SEC13: variants seen among roughly 807,000 people sequenced by gnomAD.
SEC13 encodes the protein SEC13 homolog, nuclear pore and COPII component.
In SEC13, 25 loss-of-function variants were observed where a neutral mutation model predicts 49.2. That is an observed-to-expected ratio of 0.51 (90% CI 0.37 to 0.71). The LOEUF (loss-of-function observed/expected upper bound fraction) is 0.71, where lower values mean the gene tolerates loss of function less well. Ranked by LOEUF, SEC13 falls within the 30% of genes least tolerant of loss-of-function variation. The pLI, the probability that SEC13 is intolerant of heterozygous loss-of-function variation, is 0.00. For synonymous variants in SEC13, 148 were observed against 163.9 expected, an observed-to-expected ratio of 0.90 and a Z score of 0.74; for missense variants, 383 against 417.6, an observed-to-expected ratio of 0.92 and a Z score of 0.72.
intron 6 of SEC13, 31 bp downstream of exon 6, chr3:10,305,528 C>T (rs1700817229): frequency 6.2e-7 from 1 of 1,610,740 alleles, no homozygotes; most frequent in African/African-American, 1.3e-5. Context: ...GAAGTGTCCC[C>T]TCAAAGAGAA....
At position 10,305,480 on chromosome 3, in the gene SEC13, T is replaced by G. The variant is rs1700813742; in HGVS notation, c.584+79A>C. ...GAAAGAAAGGTGACCTTGTTTCTTG[T>G]GAGTGTGGCTGAGTCATGGTGAGTA... On this transcript the variant is annotated intron_variant, in intron 6 of 8. Coordinates refer to ENST00000350697, the MANE Select transcript of SEC13 (RefSeq NM_183352.3). 8 of 1,522,208 alleles carry G rather than the reference T, an allele frequency of 5.3e-6. 1 individual carries two copies. 94.3% of individuals were successfully genotyped at this position (1,522,208 alleles called of 1,614,324 possible).
At chr3:10,318,833 A>C (rs1241467111) in intron 1 of SEC13, among the ~76,000 whole-genome samples, 2 of 152,210 alleles carry the variant, frequency 1.3e-5, no homozygotes, top group Non-Finnish European at 2.9e-5. Flanking sequence ...TCAGACCCTC[A>C]AATGGCTGGA....
At chr3:10,306,488 T>G (rs193046175) in intron 5 of SEC13, among the ~76,000 whole-genome samples, 173 of 152,340 alleles carry the variant, frequency 1.1e-3, no homozygotes, top group African/African-American at 4.0e-3. Context: ...CACTGGGGCT[T>G]GTAAAATGGT....
chr3:10,308,791 A>ATT (rs34572074), intron 5 of SEC13, among the ~76,000 whole-genome samples: 46 of 115,592 alleles, frequency 4.0e-4, no homozygotes, highest in African/African-American at 1.1e-3. Flanking sequence ...GCTGAGTTGA[A>ATT]TTTTTTTTTT....
rs1287863469 is a variant in SEC13, at chr3:10,321,101, G to GCGCCTCGGAACAGCTCACTTCCGGCGC, written c.-50_-49insGCGCCGGAAGTGAGCTGTTCCGAGGCG. On this transcript the variant is annotated 5_prime_UTR_variant, in exon 1 of 9. Transcript: ENST00000350697. This position sits in a 1 kb window ranked among gnomAD's most constrained non-coding sequence, Gnocchi z 4.1. ...GTCTCGGACGTGGCAGCTCCCGGCG[G>GCGCCTCGGAACAGCTCACTTCCGGCGC]CGCCTCGGAACAGCTCACTTCCGGC... 1.2e-5 allele frequency: 20 copies of GCGCCTCGGAACAGCTCACTTCCGGCGC among 1,612,248 alleles called. No homozygotes were observed. In the African/African-American group the frequency reaches 1.9e-4, roughly 15 times the overall value.
chr3:10,319,460 C>G, intron 1 of SEC13: 1 of 534,546 alleles, frequency 1.9e-6, no homozygotes, highest in East Asian at 3.4e-5. Context: ...AATGAAGAAG[C>G]CCAGAGAAGA....
At position 10,304,044 on chromosome 3, in the gene SEC13, G is replaced by A; in HGVS notation, c.837C>T (p.Val279=). The change falls in exon 8 of 9, where the codon GTC becomes GTT. Residue 279 remains valine, a synonymous_variant. Transcript: ENST00000350697. ...SWSITANILA[V]SGGDNKVTLW... is the part of the protein sequence containing the mutation. ...TATGTACCTTATTGTCTCCACCAGA[G>A]ACAGCCAGGATGTTGGCTGTGATGG... The A allele has an allele frequency of 6.2e-7, 1 of 1,614,166 alleles. No homozygotes were observed. Among genetic ancestry groups the A allele is most frequent in the Non-Finnish European group, 8.5e-7 (1 of 1,180,030 alleles).
At position 10,311,525 on chromosome 3, in the gene SEC13, C is replaced by T. The variant is rs1369730389; in HGVS notation, c.450+440G>A. 28 of 437,314 alleles carry T rather than the reference C, an allele frequency of 6.4e-5. 1 individual carries two copies. The highest frequency in any genetic ancestry group is 1.5e-4 in the East Asian group (1 of 6,652). 27.1% of individuals were successfully genotyped at this position (437,314 alleles called of 1,614,324 possible). On this transcript the variant is annotated intron_variant, in intron 5 of 8. Transcript: ENST00000350697. ...TTCCTTGATTGAACCACCAACATCA[C>T]GACCACTGTCACTCGCTGATTCACC...
intron 1 of SEC13, chr3:10,320,645 C>T: frequency 9.8e-7 from 1 of 1,021,842 alleles, no homozygotes; most frequent in East Asian, 8.6e-5. Flanking sequence ...TCCACGTCTC[C>T]GAACCTCAAG....
At chr3:10,303,266 GCGCAGAGCAGATGTGCCTGAAAA>G (rs761605074) in intron 8 of SEC13, among the ~76,000 whole-genome samples, 44 of 152,238 alleles carry the variant, frequency 2.9e-4, no homozygotes, top group Non-Finnish European at 5.3e-4. Flanking sequence ...CGCACTTCAG[GCGCAGAGCAGATGTGCCTGAAAA>G]CGCAGCACAG....
At chr3:10,312,821 C>T in intron 3 of SEC13, 91 bp from the exon 4 acceptor site, 2 of 1,316,396 alleles carry the variant, frequency 1.5e-6, no homozygotes, top group Non-Finnish European at 2.1e-6. Context: ...GACGATATAT[C>T]AGGGCAGAAT....
chr3:10,314,070 C>G (rs529859754), intron 3 of SEC13: 2 of 152,366 alleles, frequency 1.3e-5, no homozygotes, highest in African/African-American at 4.8e-5. Context: ...GTACAAAACA[C>G]ACAGAACTAG....
At chr3:10,304,954 C>T in intron 7 of SEC13, 79 bp downstream of exon 7, 14 of 1,604,248 alleles carry the variant, frequency 8.7e-6, no homozygotes, top group Non-Finnish European at 1.1e-5. Flanking sequence ...TCCCAGAGGA[C>T]TTTCTGCTAA....
rs1701371445 is a variant in SEC13, at chr3:10,312,895, T to C, written c.165-165A>G. The stretch of plus-strand genomic sequence containing the variant: ...TGCAAAAGGGGTGCTCAGTGGACAG[T>C]GAGGAGCCTGAGGTCCTAAGAGGTT... On this transcript the variant is annotated intron_variant, in intron 3 of 8. Coordinates refer to ENST00000350697, the MANE Select transcript of SEC13 (RefSeq NM_183352.3). 15 of 623,490 alleles carry C rather than the reference T, an allele frequency of 2.4e-5. 1 individual carries two copies. The highest frequency in any genetic ancestry group is 2.8e-4 in the Middle Eastern group (1 of 3,544). 38.6% of individuals were successfully genotyped at this position (623,490 alleles called of 1,614,324 possible). A position where few individuals can be genotyped will look rare whatever the true frequency, so the allele number is the denominator to read the frequency against.
At chr3:10,315,573 A>C (rs1377796494) in intron 2 of SEC13, 137 bp from the exon 3 acceptor site, 4 of 624,612 alleles carry the variant, frequency 6.4e-6, no homozygotes, top group Non-Finnish European at 8.7e-6. Flanking sequence ...CATCACCCTC[A>C]GGCAGGAAGC....
At chr3:10,310,794 T>C (rs184456885) in intron 5 of SEC13, among the ~76,000 whole-genome samples, 1 of 152,328 alleles carries the variant, frequency 6.6e-6, no homozygotes, top group African/African-American at 2.4e-5. Flanking sequence ...ATAGCAGCAT[T>C]ATTCATAAGG....
Position 10,310,886 on chromosome 3 carries a change from T to G in SEC13, c.450+1079A>C, listed in dbSNP as rs189837520. On this transcript the variant is annotated intron_variant, in intron 5 of 8. Transcript: ENST00000350697. ...AGTATTATCCAGCCATAAAAAGGAA[T>G]GGAGTGCTGATACACGCTATGATAT... 1.4e-4 allele frequency among the ~76,000 whole-genome samples: 21 copies of G among 152,322 alleles called. No homozygotes were observed. In the East Asian group the frequency reaches 3.9e-3, roughly 28 times the overall value.
At chr3:10,319,657 G>A (rs1463646277) in intron 1 of SEC13, among the ~76,000 whole-genome samples, 1 of 151,718 alleles carries the variant, frequency 6.6e-6, no homozygotes, top group Non-Finnish European at 1.5e-5. Context: ...AAAGTTTACT[G>A]AGAGGTAGTT....
rs1232111130 is a variant in SEC13 at position 10,301,088 on chromosome 3, A to G, written c.*173T>C. The G allele has an allele frequency of 6.2e-7, 1 of 1,612,508 alleles. No individual in the cohort carries two copies. The highest frequency in any genetic ancestry group is 8.5e-7 in the Non-Finnish European group (1 of 1,179,796). On this transcript the variant is annotated 3_prime_UTR_variant, in exon 9 of 9. Coordinates refer to ENST00000350697, the MANE Select transcript of SEC13 (RefSeq NM_183352.3). Reference sequence around the variant, plus strand: ...TGCTTTCAGCTGGACAGTAGATTACAAAGCATCTCCGATCACGTTAAGGCA... The same window carrying G: ...TGCTTTCAGCTGGACAGTAGATTACGAAGCATCTCCGATCACGTTAAGGCA...
Sources: allele counts gnomAD v4.1 joint callset (sites outside exome capture counted in the v4.1 genomes callset), GRCh38; gene constraint gnomAD v4.1.1; non-coding constraint Gnocchi (gnomAD v3.1); transcripts MANE v1.5; gene names NCBI Gene and HGNC (gene_info 2026-07-23, HGNC 2026-07-21).